SNTB1: variants seen among roughly 807,000 people sequenced by gnomAD.
The protein encoded by SNTB1 is beta-1-syntrophin.
Under a neutral mutation model 48.9 loss-of-function variants are expected in SNTB1, and 36 were observed. The observed-to-expected ratio is 0.74, with a 90% CI of 0.56 to 0.97. The LOEUF is 0.97. Ranked by LOEUF, SNTB1 falls within the 50% of genes least tolerant of loss-of-function variation. SNTB1 has a pLI of 0.00. For missense variants in SNTB1, 786 were observed against 703.4 expected (o/e 1.12, Z -1.33); for synonymous variants, 299 against 294.6 (o/e 1.01, Z -0.15).
chr8:120,618,911 A>T (rs1231784555), intron 3 of SNTB1, among the ~76,000 whole-genome samples: 1 of 152,194 alleles, frequency 6.6e-6, no homozygotes, highest in Non-Finnish European at 1.5e-5. Context: ...TTCATGGTTA[A>T]GCTTCCAGAA....
intron 3 of SNTB1, among the ~76,000 whole-genome samples, chr8:120,586,513 AC>A (rs1190741432): frequency 1.3e-5 from 2 of 152,132 alleles, no homozygotes; most frequent in African/African-American, 4.8e-5. Flanking sequence ...TGTTTCTGTC[AC>A]CACGTCACCT....
At chr8:120,772,421 A>G (rs1357212150) in intron 1 of SNTB1, among the ~76,000 whole-genome samples, 1 of 151,240 alleles carries the variant, frequency 6.6e-6, no homozygotes, top group Non-Finnish European at 1.5e-5. Context: ...AATTATTTCT[A>G]TTTTTAGTAG....
intron 1 of SNTB1, chr8:120,775,625 A>G (rs551261156): frequency 1.3e-5 from 2 of 151,890 alleles, no homozygotes; most frequent in Non-Finnish European, 2.9e-5. Context: ...GAACGAAAGA[A>G]AGAATGAAAG....
intron 3 of SNTB1, among the ~76,000 whole-genome samples, chr8:120,589,913 A>G (rs1246459505): frequency 6.6e-6 from 1 of 152,142 alleles, no homozygotes; most frequent in Non-Finnish European, 1.5e-5. Flanking sequence ...CTTTCCTTCT[A>G]TTTCCTAAAA....
intron 3 of SNTB1, among the ~76,000 whole-genome samples, chr8:120,621,479 G>A (rs1021534570): frequency 2.0e-5 from 3 of 152,196 alleles, no homozygotes; most frequent in African/African-American, 7.2e-5. Flanking sequence ...GAGGGGTAGG[G>A]AAGGGAGGTC....
intron 3 of SNTB1, among the ~76,000 whole-genome samples, chr8:120,576,623 A>G (rs1364758671): frequency 6.6e-6 from 1 of 152,200 alleles, no homozygotes; most frequent in African/African-American, 2.4e-5. Context: ...TGATAAGGAT[A>G]ATATCATATA....
intron 3 of SNTB1, among the ~76,000 whole-genome samples, chr8:120,607,394 T>C (rs1405672627): frequency 2.0e-5 from 3 of 152,296 alleles, no homozygotes; most frequent in Non-Finnish European, 4.4e-5. Flanking sequence ...TTCTTTTCTT[T>C]TTTGTGTCTG....
intron 2 of SNTB1, among the ~76,000 whole-genome samples, chr8:120,666,387 G>A (rs1014552763): frequency 6.6e-6 from 1 of 152,100 alleles, no homozygotes; most frequent in African/African-American, 2.4e-5. Context: ...TTCAGTACTT[G>A]GAAAATGTTG....
intron 3 of SNTB1, among the ~76,000 whole-genome samples, chr8:120,607,849 A>C (rs925641160): frequency 8.5e-5 from 13 of 152,340 alleles, no homozygotes; most frequent in Admixed American, 2.6e-4. Context: ...GAAATGTTGT[A>C]ACTGATGTCC....
At chr8:120,686,520 C>A (rs958848843) in intron 2 of SNTB1, among the ~76,000 whole-genome samples, 10 of 152,022 alleles carry the variant, frequency 6.6e-5, no homozygotes, top group African/African-American at 2.4e-4. Context: ...AACCTCATGA[C>A]CTAACTGCCT....
intron 5 of SNTB1, chr8:120,542,229 T>A (rs1815300949): frequency 4.3e-6 from 2 of 464,544 alleles, no homozygotes; most frequent in East Asian, 7.4e-5. Context: ...AAATTCCTTT[T>A]TCTAGGATCT....
intron 1 of SNTB1, among the ~76,000 whole-genome samples, chr8:120,709,583 A>G (rs1485316757): frequency 6.6e-6 from 1 of 152,202 alleles, no homozygotes; most frequent in Non-Finnish European, 1.5e-5. Flanking sequence ...AATTTTCACA[A>G]CCACCTTGTG....
chr8:120,566,051 T>C (rs1021612439), intron 4 of SNTB1, among the ~76,000 whole-genome samples: 3 of 152,016 alleles, frequency 2.0e-5, no homozygotes, highest in Admixed American at 6.6e-5. Flanking sequence ...ATACAAAAAT[T>C]AGCCAGATGT....
At chr8:120,718,044 T>C (rs1234179119) in intron 1 of SNTB1, among the ~76,000 whole-genome samples, 1 of 152,218 alleles carries the variant, frequency 6.6e-6, no homozygotes, top group Non-Finnish European at 1.5e-5. Context: ...GCTGGCTGTC[T>C]TTCTTCCCAT....
chr8:120,661,126 C>CA (rs1817581255), intron 2 of SNTB1, among the ~76,000 whole-genome samples: 1 of 151,518 alleles, frequency 6.6e-6, no homozygotes, highest in African/African-American at 2.4e-5. Flanking sequence ...ACAAAGTGTG[C>CA]ACAATGTGTT....
intron 1 of SNTB1, among the ~76,000 whole-genome samples, chr8:120,699,056 C>T (rs929642392): frequency 2.6e-5 from 4 of 152,148 alleles, no homozygotes; most frequent in African/African-American, 9.7e-5. Flanking sequence ...AGCTCTGCTC[C>T]CTGAAGTTGT....
chr8:120,561,107 C>G (rs1342607365), intron 4 of SNTB1, among the ~76,000 whole-genome samples: 1 of 151,824 alleles, frequency 6.6e-6, no homozygotes, highest in Non-Finnish European at 1.5e-5. Flanking sequence ...ATGAATGGAT[C>G]ACTTGAGGTC....
At chr8:120,654,594 C>A (rs966690104) in intron 2 of SNTB1, among the ~76,000 whole-genome samples, 2 of 152,116 alleles carry the variant, frequency 1.3e-5, no homozygotes, top group African/African-American at 4.8e-5. Context: ...ATTATACGCT[C>A]ACTCTCGATG....
chr8:120,623,879 G>A (rs1032363387), intron 3 of SNTB1, among the ~76,000 whole-genome samples: 3 of 152,212 alleles, frequency 2.0e-5, no homozygotes, highest in African/African-American at 7.2e-5. Context: ...TGCTAGCCAC[G>A]TGCATTAGTC....
Sources: gnomAD v4.1 joint callset for allele counts (sites outside exome capture counted in the v4.1 genomes callset) on GRCh38, gnomAD v4.1.1 for gene constraint, MANE v1.5 for transcripts, NCBI Gene and HGNC (gene_info 2026-07-23, HGNC 2026-07-21) for gene names.